Variants in SEM1 observed in about 807,000 individuals in gnomAD.
SEM1 encodes the protein 26S proteasome complex subunit SEM1.
In SEM1, 3 loss-of-function variants were observed where a neutral mutation model predicts 12.7. That is an observed-to-expected ratio of 0.24 (90% CI 0.11 to 0.61). The LOEUF is 0.61. Ranked by LOEUF, SEM1 falls within the 20% of genes least tolerant of loss-of-function variation. The probability of loss-of-function intolerance (pLI) is 0.88; values close to 1 mark genes in which losing one functional copy is unlikely to be tolerated. For synonymous variants in SEM1, 30 were observed against 27.8 expected, an observed-to-expected ratio of 1.08 and a Z score of -0.25; for missense variants, 59 against 81.3, an observed-to-expected ratio of 0.73 and a Z score of 1.06.
At chr7:96,593,527 T>C (rs1806899037) in intron 2 of SEM1, among the ~76,000 whole-genome samples, 1 of 152,176 alleles carries the variant, frequency 6.6e-6, no homozygotes, top group African/African-American at 2.4e-5. Context: ...CAGTGTGCCG[T>C]ATGTGAAGTT....
upstream of SEM1, among the ~76,000 whole-genome samples, chr7:96,499,508 T>C (rs1803430635): frequency 6.6e-6 from 1 of 152,200 alleles, no homozygotes; most frequent in Non-Finnish European, 1.5e-5. Flanking sequence ...TGAGGGTTCC[T>C]TATGTGTCTT....
intron 2 of SEM1, among the ~76,000 whole-genome samples, chr7:96,629,715 C>A (rs1808187870): frequency 6.6e-6 from 1 of 152,074 alleles, no homozygotes; most frequent in South Asian, 2.1e-4. Context: ...TGTGTTTGGG[C>A]ATTGAAGAGT....
At chr7:96,492,930 C>T (rs892719093) in intron 1 of SEM1, among the ~76,000 whole-genome samples, 6 of 152,008 alleles carry the variant, frequency 3.9e-5, no homozygotes, top group African/African-American at 1.4e-4. Context: ...TCAATTATTT[C>T]TGGTGTATAT....
chr7:96,511,907 T>C lies in SEM1; in HGVS notation c.171-5209A>G, dbSNP rs138364403. Among the ~76,000 whole-genome samples the C allele has an allele frequency of 9.0e-3, 1,368 of 152,240 alleles. 21 individuals are homozygous for C. The highest frequency in any genetic ancestry group is 0.031 in the African/African-American group (1,308 of 41,548). On this transcript the variant is annotated intron_variant and NMD_transcript_variant, in intron 2 of 3. Transcript: ENST00000466986. ...GGGCTTCTCAACATTTTAAAATGCA[T>C]ACAAATCACCTGACATTCTTGTTAA...
At chr7:96,486,253 G>T in exon 2 of SEM1, 1 of 1,536,770 alleles carries the variant, frequency 6.5e-7, no homozygotes. Context: ...GCATCTCCAA[G>T]TTTATCTGTT....
At chr7:96,575,114 G>A (rs762374913) in intron 2 of SEM1, among the ~76,000 whole-genome samples, 1 of 152,076 alleles carries the variant, frequency 6.6e-6, no homozygotes, top group Non-Finnish European at 1.5e-5. Flanking sequence ...TCTACCTTTG[G>A]TCTTTGATGT....
intron 2 of SEM1, among the ~76,000 whole-genome samples, chr7:96,590,934 C>T (rs1806809858): frequency 6.6e-6 from 1 of 152,040 alleles, no homozygotes; most frequent in African/African-American, 2.4e-5. Flanking sequence ...GGACCCCAAG[C>T]CAGTGGTGAA....
chr7:96,647,370 C>A (rs887039113), intron 2 of SEM1: 43 of 152,266 alleles, frequency 2.8e-4, no homozygotes, highest in African/African-American at 9.6e-4. Flanking sequence ...AATTATTATT[C>A]TTATCATATT....
At chr7:96,685,514 A>G (rs1295604679), downstream of SEM1, among the ~76,000 whole-genome samples, 2 of 152,116 alleles carry the variant, frequency 1.3e-5, no homozygotes, top group Non-Finnish European at 2.9e-5. Context: ...TTGAAAGAGA[A>G]ACCCTAAGTT....
intron 2 of SEM1, among the ~76,000 whole-genome samples, chr7:96,565,185 C>T (rs989287774): frequency 8.6e-5 from 13 of 151,858 alleles, no homozygotes; most frequent in African/African-American, 3.1e-4. Flanking sequence ...TTTTTAAAAT[C>T]CCCTTTTCTA....
At chr7:96,630,616 C>T (rs1475745741) in intron 2 of SEM1, among the ~76,000 whole-genome samples, 1 of 152,182 alleles carries the variant, frequency 6.6e-6, no homozygotes, top group Non-Finnish European at 1.5e-5. Context: ...CCTCTTGGTG[C>T]TCTATCCCCC....
intron 2 of SEM1, among the ~76,000 whole-genome samples, chr7:96,525,806 C>G (rs1369372050): frequency 2.6e-5 from 4 of 152,108 alleles, no homozygotes; most frequent in Non-Finnish European, 4.4e-5. Context: ...CTATTGTGAA[C>G]TACACTTGCA....
intron 2 of SEM1, among the ~76,000 whole-genome samples, chr7:96,590,287 T>C (rs1304554202): frequency 1.3e-5 from 2 of 152,140 alleles, no homozygotes; most frequent in African/African-American, 2.4e-5. Context: ...TCCCAAACAT[T>C]GCAGGGGACA....
At chr7:96,641,782 A>G (rs998854982) in intron 2 of SEM1, among the ~76,000 whole-genome samples, 3 of 151,686 alleles carry the variant, frequency 2.0e-5, no homozygotes, top group African/African-American at 7.3e-5. Context: ...AGTAGTCCCC[A>G]TCGAGCCTAT....
chr7:96,535,846 T>A (rs1193742970), intron 2 of SEM1, among the ~76,000 whole-genome samples: 1 of 152,032 alleles, frequency 6.6e-6, no homozygotes, highest in Non-Finnish European at 1.5e-5. Context: ...ACATTTTCTT[T>A]ATTCAGTCTA....
intron 2 of SEM1, among the ~76,000 whole-genome samples, chr7:96,580,687 T>C (rs1806366778): frequency 1.3e-5 from 2 of 151,858 alleles, no homozygotes; most frequent in African/African-American, 2.4e-5. Context: ...TGGTATCTCA[T>C]TGTGGTTTTG....
At chr7:96,594,655 A>G (rs1806939968) in intron 2 of SEM1, among the ~76,000 whole-genome samples, 1 of 152,220 alleles carries the variant, frequency 6.6e-6, no homozygotes, top group African/African-American at 2.4e-5. Flanking sequence ...TTATTCTAAC[A>G]CTGAGAAACA....
chr7:96,669,716 A>G (rs553537697), downstream of SEM1, among the ~76,000 whole-genome samples: 2 of 152,316 alleles, frequency 1.3e-5, no homozygotes, highest in South Asian at 2.1e-4. Context: ...ATATCTGTCT[A>G]TAATAAAAAT....
chr7:96,536,613 C>G (rs1342286106), intron 2 of SEM1, among the ~76,000 whole-genome samples: 1 of 151,710 alleles, frequency 6.6e-6, no homozygotes, highest in Non-Finnish European at 1.5e-5. Context: ...GGCACATACA[C>G]ATCAAGGATT....
Sources: allele counts gnomAD v4.1 joint callset (sites outside exome capture counted in the v4.1 genomes callset), GRCh38; gene constraint gnomAD v4.1.1; transcripts MANE v1.5; gene names NCBI Gene and HGNC (gene_info 2026-07-23, HGNC 2026-07-21).